The following KIAA1217 variants were observed in gnomAD, a reference collection of about 807,000 sequenced individuals.
KIAA1217 encodes the protein KIAA1217, also known as sickle tail protein homolog.
Under a neutral mutation model 163.9 loss-of-function variants are expected in KIAA1217, and 88 were observed. That is an observed-to-expected ratio of 0.54 (90% CI 0.45 to 0.64). The LOEUF (loss-of-function observed/expected upper bound fraction) is 0.64. KIAA1217 is among the 30% of genes least tolerant of loss of function. The pLI, the probability that KIAA1217 is intolerant of heterozygous loss-of-function variation, is 0.00. For synonymous variants in KIAA1217, 903 were observed against 923.1 expected, an observed-to-expected ratio of 0.98 and a Z score of 0.39; for missense variants, 2,372 against 2,475.0, an observed-to-expected ratio of 0.96 and a Z score of 0.88.
chr10:24,202,804 C>T (rs531337068), intron 2 of KIAA1217, among the ~76,000 whole-genome samples: 6 of 152,128 alleles, frequency 3.9e-5, no homozygotes, highest in African/African-American at 7.2e-5. Context: ...TATCTATGGC[C>T]GAACTGCATG....
At chr10:24,088,995 T>C (rs2061823888) in intron 2 of KIAA1217, among the ~76,000 whole-genome samples, 1 of 125,582 alleles carries the variant, frequency 8.0e-6, no homozygotes, top group African/African-American at 2.5e-5. Flanking sequence ...TTCTAACTAG[T>C]GTGAGATGAT....
rs139234990 is a variant in KIAA1217 at position 24,157,206 on chromosome 10, T to C, written c.-170-62420T>C. Among the ~76,000 whole-genome samples, 1,317 of 152,362 alleles carry C rather than the reference T, an allele frequency of 8.6e-3. 20 individuals carry two copies. Among genetic ancestry groups the C allele is most frequent in the Middle Eastern group, 0.024 (7 of 294 alleles). On this transcript the variant is annotated intron_variant, in intron 2 of 18. Coordinates refer to the KIAA1217 transcript ENST00000376462. ...TTAGTCTTTTTAATTTTAGCCATTC[T>C]AAGAACTACAGTCTCATTAATTTGC...
chr10:24,159,214 A>G (rs2131880396), intron 2 of KIAA1217, among the ~76,000 whole-genome samples: 1 of 152,320 alleles, frequency 6.6e-6, no homozygotes, highest in East Asian at 1.9e-4. Context: ...TTTAGATAGT[A>G]TTTAATATTA....
At chr10:23,734,801 G>A (rs1479658891) in intron 1 of KIAA1217, among the ~76,000 whole-genome samples, 1 of 151,610 alleles carries the variant, frequency 6.6e-6, no homozygotes, top group Non-Finnish European at 1.5e-5. Flanking sequence ...AGAGATCATG[G>A]CACATTTATT....
intron 2 of KIAA1217, among the ~76,000 whole-genome samples, chr10:24,298,127 C>T (rs1156989215): frequency 6.6e-6 from 1 of 152,058 alleles, no homozygotes; most frequent in Non-Finnish European, 1.5e-5. Context: ...TGAGAGGATA[C>T]TGTCCTTTGT....
rs184595386 is a variant in KIAA1217, at chr10:24,542,438, A to G, written c.3535-255A>G. 112 of 1,124,250 alleles carry G rather than the reference A, an allele frequency of 1.0e-4. No individual in the cohort carries two copies. In the East Asian group the frequency reaches 2.8e-3, roughly 28 times the overall value. The allele number at this position is 1,124,250 out of a possible 1,614,324, so 69.6% of individuals were successfully genotyped here. On this transcript the variant is annotated intron_variant, in intron 17 of 20. Coordinates refer to ENST00000376454, the MANE Select transcript of KIAA1217 (RefSeq NM_019590.5). Reference sequence around the variant, plus strand: ...ACTCTGTCCCTTTATTTTCTTCACCACTCCCCTACAAAATTTTAAATTCTT... The same window carrying G: ...ACTCTGTCCCTTTATTTTCTTCACCGCTCCCCTACAAAATTTTAAATTCTT...
At chr10:24,316,371 T>A (rs2043372525) in intron 2 of KIAA1217, among the ~76,000 whole-genome samples, 1 of 152,202 alleles carries the variant, frequency 6.6e-6, no homozygotes, top group South Asian at 2.1e-4. Context: ...GACTTTCAAT[T>A]TTAAAACTGA....
intron 1 of KIAA1217, among the ~76,000 whole-genome samples, chr10:23,825,139 TCA>T (rs1387287018): frequency 6.6e-6 from 1 of 152,232 alleles, no homozygotes; most frequent in Admixed American, 6.5e-5. Context: ...TCTCTGACAT[TCA>T]CAGTCTGCAA....
At chr10:24,352,211 T>C (rs2048535869) in intron 2 of KIAA1217, among the ~76,000 whole-genome samples, 1 of 152,244 alleles carries the variant, frequency 6.6e-6, no homozygotes, top group African/African-American at 2.4e-5. Context: ...GATTAAGCTT[T>C]CACCATTAGT....
In KIAA1217 at chr10:23,698,300, G is replaced by A. The variant is rs1038087471; in HGVS notation, c.-321+3066G>A. On this transcript the variant is annotated intron_variant, in intron 1 of 18. Transcript: ENST00000376462. ...TTAAGACATCAGAGCTCTAGGAAGA[G>A]TATTGTGATTGTGGATAATTTATGG... Among the ~76,000 whole-genome samples the A allele has an allele frequency of 6.6e-5, 10 of 152,336 alleles. No homozygotes were observed. In the South Asian group the frequency reaches 1.2e-3, roughly 19 times the overall value.
intron 1 of KIAA1217, among the ~76,000 whole-genome samples, chr10:23,753,187 C>G (rs889394852): frequency 6.6e-6 from 1 of 152,116 alleles, no homozygotes; most frequent in African/African-American, 2.4e-5. Context: ...AGCTGGCAAA[C>G]ACAAATAGAG....
chr10:23,823,441 C>T (rs1837721293), intron 1 of KIAA1217, among the ~76,000 whole-genome samples: 1 of 152,210 alleles, frequency 6.6e-6, no homozygotes, highest in East Asian at 1.9e-4. Context: ...TGCATCTCTT[C>T]TGCCCCTAGA....
chr10:24,333,247 A>C (rs1200890102), intron 2 of KIAA1217, among the ~76,000 whole-genome samples: 1 of 151,348 alleles, frequency 6.6e-6, no homozygotes, highest in Non-Finnish European at 1.5e-5. Context: ...CTGGTCTTGA[A>C]CTCCTGACCT....
intron 1 of KIAA1217, among the ~76,000 whole-genome samples, chr10:23,877,040 C>T (rs1441633518): frequency 6.6e-6 from 1 of 151,904 alleles, no homozygotes; most frequent in African/African-American, 2.4e-5. Context: ...TTTTAAAAAC[C>T]GTGGTATTAG....
At chr10:23,943,531 A>T (rs966857417) in intron 1 of KIAA1217, among the ~76,000 whole-genome samples, 5 of 152,214 alleles carry the variant, frequency 3.3e-5, no homozygotes, top group African/African-American at 1.2e-4. Flanking sequence ...TATTCTTAAG[A>T]TGTCATTTCT....
chr10:24,466,274 C>T (rs2062938393), intron 5 of KIAA1217, among the ~76,000 whole-genome samples: 1 of 152,040 alleles, frequency 6.6e-6, no homozygotes. Context: ...TTTCATTTCT[C>T]GGTGGCTGGT....
chr10:24,505,889 G>A (rs117078818), intron 9 of KIAA1217, among the ~76,000 whole-genome samples: 41 of 152,114 alleles, frequency 2.7e-4, no homozygotes, highest in Admixed American at 1.0e-3. Context: ...ATGGCGCCTC[G>A]TGGAAATGTG....
chr10:24,345,806 A>G (rs1385397819), intron 2 of KIAA1217, among the ~76,000 whole-genome samples: 2 of 152,130 alleles, frequency 1.3e-5, no homozygotes, highest in Non-Finnish European at 2.9e-5. Context: ...GATTTTTTAA[A>G]TTGTAGTAAA....
intron 6 of KIAA1217, among the ~76,000 whole-genome samples, chr10:24,475,066 A>G (rs1215283610): frequency 1.3e-5 from 2 of 152,132 alleles, no homozygotes; most frequent in Non-Finnish European, 2.9e-5. Context: ...TAAAAATACA[A>G]AAATTAGTCG....
Sources: gnomAD v4.1 joint callset for allele counts (sites outside exome capture counted in the v4.1 genomes callset) on GRCh38, gnomAD v4.1.1 for gene constraint, MANE v1.5 for transcripts, NCBI Gene and HGNC (gene_info 2026-07-23, HGNC 2026-07-21) for gene names.